The following LRP2 variants were observed in gnomAD, a reference collection of about 807,000 sequenced individuals.
The protein encoded by LRP2 is low-density lipoprotein receptor-related protein 2.
A neutral mutation model predicts 531.0 loss-of-function variants in LRP2; 172 were observed. The ratio of observed to expected loss-of-function variants is 0.32; its 90% CI spans 0.29 to 0.37. The LOEUF (loss-of-function observed/expected upper bound fraction) is 0.37, where lower values mean the gene tolerates loss of function less well. Ranked by LOEUF, LRP2 falls within the 10% of genes least tolerant of loss-of-function variation. The probability of loss-of-function intolerance (pLI) is 1.00; values close to 1 mark genes in which losing one functional copy is unlikely to be tolerated. For synonymous variants in LRP2, 1,992 were observed against 2,027.6 expected, an observed-to-expected ratio of 0.98 and a Z score of 0.47; for missense variants, 5,167 against 5,868.3, an observed-to-expected ratio of 0.88 and a Z score of 3.90.
At chr2:169,161,767 T>A (rs113922480) in intron 63 of LRP2, among the ~76,000 whole-genome samples, 30 of 152,218 alleles carry the variant, frequency 2.0e-4, no homozygotes, top group African/African-American at 5.8e-4. Flanking sequence ...AGCCACTGCA[T>A]CCAGCCACTC....
Position 169,207,353 on chromosome 2 carries a change from G to A in LRP2, c.6470-103C>T, listed in dbSNP as rs976052879. 70 of 803,566 alleles carry A rather than the reference G, an allele frequency of 8.7e-5. No homozygotes were observed. In the East Asian group the frequency reaches 1.7e-3, roughly 19 times the overall value. The allele number at this position is 803,566 out of a possible 1,614,324, so 49.8% of individuals were successfully genotyped here. Reference sequence around the variant, plus strand: ...CAAAATATATAAGGTTGAAGTCTGGGTCACTATATGTTGTCTTTTCCAAGA... The same window carrying A: ...CAAAATATATAAGGTTGAAGTCTGGATCACTATATGTTGTCTTTTCCAAGA... On this transcript the variant is annotated intron_variant, in intron 38 of 78. Transcript: ENST00000649046.
intron 31 of LRP2, among the ~76,000 whole-genome samples, chr2:169,230,707 G>A (rs981215768): frequency 4.6e-5 from 7 of 152,288 alleles, no homozygotes; most frequent in East Asian, 3.9e-4. Flanking sequence ...ATTTTTAAGT[G>A]TATTATATAC....
chr2:169,242,813 T>G, intron 24 of LRP2, 143 bp downstream of exon 24: 1 of 757,156 alleles, frequency 1.3e-6, no homozygotes, highest in Non-Finnish European at 2.4e-6. Context: ...TCAATTTTAC[T>G]GTATGTTCAA....
intron 1 of LRP2, among the ~76,000 whole-genome samples, chr2:169,345,858 AAAAACAAAAC>A (rs747011872): frequency 2.6e-4 from 39 of 152,152 alleles, no homozygotes; most frequent in African/African-American, 8.4e-4. Flanking sequence ...GCTTCTCTCC[AAAAACAAAAC>A]AAAACAAAAC....
At chr2:169,169,579 A>T in intron 60 of LRP2, 123 bp downstream of exon 60, 1 of 788,428 alleles carries the variant, frequency 1.3e-6, no homozygotes, top group Non-Finnish European at 2.3e-6. Flanking sequence ...GATCATTATC[A>T]GTGCATGCTG....
chr2:169,202,890 C>T lies in LRP2; in HGVS notation c.8075G>A (p.Cys2692Tyr). 6.2e-7 allele frequency: 1 copy of T among 1,614,210 alleles called. No individual in the cohort carries two copies. The highest frequency in any genetic ancestry group is 8.5e-7 in the Non-Finnish European group (1 of 1,180,040). Residue 2692 changes from cysteine (C) to tyrosine (Y), a missense_variant, in exon 43 of 79, where the codon TGC becomes TAC. Cys to Tyr is a radical substitution (Grantham distance 194). Around this residue, in one of 6 missense-constraint regions of LRP2, gnomAD observed 1,129 missense variants for 1,362.7 expected, o/e 0.83. Coordinates refer to ENST00000649046, the MANE Select transcript of LRP2 (RefSeq NM_004525.3). ...ACATCGTTCACCATTGTCCACAATG[C>T]AGTGCTTCCTGTTGTTGGCCAAATA... ...NWYLANNRKH[C>Y]IVDNGERCGA...
chr2:169,186,364 T>A (rs1312840376), intron 49 of LRP2, among the ~76,000 whole-genome samples: 1 of 152,112 alleles, frequency 6.6e-6, no homozygotes, highest in Non-Finnish European at 1.5e-5. Context: ...CACACCATGG[T>A]CAAGCTCAGG....
At chr2:169,178,745 A>G (rs1687310767) in intron 52 of LRP2, among the ~76,000 whole-genome samples, 1 of 152,212 alleles carries the variant, frequency 6.6e-6, no homozygotes, top group South Asian at 2.1e-4. Context: ...TATATCAGAA[A>G]TCATTTCTAA....
intron 29 of LRP2, among the ~76,000 whole-genome samples, 187 bp from the exon 30 acceptor site, chr2:169,233,775 A>C (rs1368210499): frequency 2.6e-5 from 4 of 152,226 alleles, no homozygotes; most frequent in Non-Finnish European, 5.9e-5. Flanking sequence ...CCACTAAACC[A>C]TTCAAGAGCC....
At chr2:169,138,749 A>G (rs1261726477) in intron 74 of LRP2, 43 bp from the exon 75 acceptor site, 7 of 1,611,914 alleles carry the variant, frequency 4.3e-6, no homozygotes, top group Non-Finnish European at 5.1e-6. Flanking sequence ...ATTTAAAACA[A>G]CAACAACAAA....
At chr2:169,184,433 A>G (rs1020222410) in intron 50 of LRP2, among the ~76,000 whole-genome samples, 1 of 152,190 alleles carries the variant, frequency 6.6e-6, no homozygotes, top group Admixed American at 6.5e-5. Context: ...AGTCAAATAT[A>G]AGGATGTGGG....
intron 67 of LRP2, 28 bp downstream of exon 67, chr2:169,152,771 G>C (rs1226945945): frequency 6.2e-7 from 1 of 1,613,422 alleles, no homozygotes; most frequent in Non-Finnish European, 8.5e-7. Context: ...AACAGAACAG[G>C]TAAGGGGGGA....
chr2:169,327,338 C>A (rs542711562), intron 1 of LRP2, among the ~76,000 whole-genome samples: 1 of 132,314 alleles, frequency 7.6e-6, no homozygotes, highest in African/African-American at 2.9e-5. Flanking sequence ...CCCGGCCAGC[C>A]GCCCCATCCG....
At chr2:169,230,026 G>C (rs948170766) in intron 31 of LRP2, among the ~76,000 whole-genome samples, 1 of 152,076 alleles carries the variant, frequency 6.6e-6, no homozygotes, top group Non-Finnish European at 1.5e-5. Flanking sequence ...AAACCTACTG[G>C]GAAATACTTA....
At position 169,192,041 on chromosome 2, in the gene LRP2, C is replaced by T. The variant is rs1200217798; in HGVS notation, c.8831-8G>A. 1 of 1,607,772 alleles carries T rather than the reference C, an allele frequency of 6.2e-7. No homozygotes were observed. Among genetic ancestry groups the T allele is most frequent in the Admixed American group, 1.7e-5 (1 of 59,872 alleles). ...CCGAGCAGTTTTGATTCTCTGAAAC[C>T]AAAGCACGCAAGAATCAGAAAGCAT... On this transcript the variant is annotated splice_polypyrimidine_tract_variant and splice_region_variant and intron_variant, in intron 47 of 78. Coordinates refer to ENST00000649046, the MANE Select transcript of LRP2 (RefSeq NM_004525.3).
chr2:169,309,506 T>A (rs767567422), intron 3 of LRP2, among the ~76,000 whole-genome samples: 1 of 152,232 alleles, frequency 6.6e-6, no homozygotes, highest in African/African-American at 2.4e-5. Context: ...CTTGTTTTTG[T>A]CAGGTTTGTC....
chr2:169,240,213 G>A (rs1407942468), intron 25 of LRP2, among the ~76,000 whole-genome samples: 1 of 152,160 alleles, frequency 6.6e-6, no homozygotes, highest in Non-Finnish European at 1.5e-5. Flanking sequence ...TCTATGAAGT[G>A]AACAAATCAA....
Position 169,247,005 on chromosome 2 carries a change from G to A in LRP2, c.2909-19C>T, listed in dbSNP as rs144286272. On this transcript the variant is annotated intron_variant, in intron 20 of 78. Coordinates refer to ENST00000649046, the MANE Select transcript of LRP2 (RefSeq NM_004525.3). The stretch of plus-strand genomic sequence containing the variant: ...TTAGAACCTGCAAAAGCAAAGCCCC[G>A]AGGGAGTCAGTCATGTACATTTTCA... 1.4e-4 allele frequency: 230 copies of A among 1,613,180 alleles called. 2 individuals carry two copies. In the African/African-American group the frequency reaches 2.5e-3, roughly 18 times the overall value.
intron 73 of LRP2, 50 bp from the exon 74 acceptor site, chr2:169,139,421 C>A (rs767910755): frequency 5.0e-6 from 8 of 1,614,002 alleles, no homozygotes; most frequent in African/African-American, 1.3e-5. Flanking sequence ...AGCCCGCAAT[C>A]CTGGCAGAAA....
Sources: gnomAD v4.1 joint callset for allele counts (sites outside exome capture counted in the v4.1 genomes callset) on GRCh38, gnomAD v4.1.1 for gene constraint, gnomAD v4.1.1 regional missense constraint, MANE v1.5 for transcripts, NCBI Gene and HGNC (gene_info 2026-07-23, HGNC 2026-07-21) for gene names.